Variants in CADPS observed in about 807,000 individuals in gnomAD.
The protein encoded by CADPS is calcium dependent secretion activator, also known as calcium-dependent secretion activator 1.
A neutral mutation model predicts 167.3 loss-of-function variants in CADPS; 57 were observed. That is an observed-to-expected ratio of 0.34 (90% CI 0.28 to 0.42). The LOEUF (loss-of-function observed/expected upper bound fraction) is 0.42. Ranked by LOEUF, CADPS falls within the 20% of genes least tolerant of loss-of-function variation. The probability of loss-of-function intolerance (pLI) is 1.00; values close to 1 mark genes in which losing one functional copy is unlikely to be tolerated. For missense variants in CADPS, 1,414 were observed against 1,738.1 expected, an observed-to-expected ratio of 0.81 and a Z score of 3.32; for synonymous variants, 676 against 635.3, an observed-to-expected ratio of 1.06 and a Z score of -0.96.
chr3:62,713,575 T>C (rs2083826931), intron 3 of CADPS, among the ~76,000 whole-genome samples: 1 of 152,240 alleles, frequency 6.6e-6, no homozygotes, highest in Admixed American at 6.5e-5. Flanking sequence ...CCTGGGCTGC[T>C]ATTCTGGGCA....
intron 3 of CADPS, among the ~76,000 whole-genome samples, chr3:62,730,339 G>T (rs1337240598): frequency 6.6e-6 from 1 of 152,142 alleles, no homozygotes; most frequent in Non-Finnish European, 1.5e-5. Context: ...CTAGTGAGTA[G>T]AAGTTAGGGA....
chr3:62,599,073 T>G (rs552544566), intron 6 of CADPS, among the ~76,000 whole-genome samples: 176 of 152,252 alleles, frequency 1.2e-3, no homozygotes, highest in Non-Finnish European at 1.9e-3. Context: ...TGCAACTGAT[T>G]GTGGCTATTA....
chr3:62,650,876 A>G lies in CADPS; in HGVS notation c.1174T>C (p.Ser392Pro). The change falls in exon 5 of 30, where the codon TCA becomes CCA. Residue 392 changes from serine to proline, a missense_variant. Around this residue, in one of 6 missense-constraint regions of CADPS, gnomAD observed 522 missense variants for 559.5 expected, o/e 0.93. Coordinates refer to ENST00000383710, the MANE Select transcript of CADPS (RefSeq NM_003716.4). Reference sequence around the variant, plus strand: ...AATGAGAAAGACAGCACGACATCTGACTTGGAGAGCTGGTTCTCACTCTCC... The same window carrying G: ...AATGAGAAAGACAGCACGACATCTGGCTTGGAGAGCTGGTTCTCACTCTCC... ...GEESENQLSKSDVVLSFSLEV... is the reference protein window; with the variant it reads ...GEESENQLSKPDVVLSFSLEV... 1 of 1,613,970 alleles carries G rather than the reference A, an allele frequency of 6.2e-7. No homozygotes were observed. Among genetic ancestry groups the G allele is most frequent in the Non-Finnish European group, 8.5e-7 (1 of 1,179,916 alleles).
At chr3:62,624,548 GAA>G (rs78035686) in intron 6 of CADPS, among the ~76,000 whole-genome samples, 17,479 of 147,994 alleles carry the variant, frequency 0.12, 1,118 homozygotes, top group Middle Eastern at 0.22. Context: ...AGAATCACTG[GAA>G]AAAAAAAAAT....
At chr3:62,476,648 C>T (rs1042769620) in intron 23 of CADPS, among the ~76,000 whole-genome samples, 1 of 152,068 alleles carries the variant, frequency 6.6e-6, no homozygotes, top group East Asian at 1.9e-4. Flanking sequence ...GATAAGAGTC[C>T]CTATCCACCT....
chr3:62,826,564 G>T (rs2074078458), intron 1 of CADPS, among the ~76,000 whole-genome samples: 1 of 152,172 alleles, frequency 6.6e-6, no homozygotes, highest in African/African-American at 2.4e-5. Flanking sequence ...TCTGGGAAAA[G>T]TAACTTGTAA....
chr3:62,707,993 T>C (rs2082641995), intron 3 of CADPS, among the ~76,000 whole-genome samples: 1 of 152,076 alleles, frequency 6.6e-6, no homozygotes, highest in African/African-American at 2.4e-5. Flanking sequence ...TGGCATGATC[T>C]TGGCTCACTT....
intron 3 of CADPS, among the ~76,000 whole-genome samples, chr3:62,668,226 T>C (rs2150680269): frequency 6.6e-6 from 1 of 152,348 alleles, no homozygotes; most frequent in South Asian, 2.1e-4. Context: ...TGGAAAAACC[T>C]ATGGTTCTGA....
chr3:62,703,814 A>C (rs1364268796), intron 3 of CADPS, among the ~76,000 whole-genome samples: 1 of 152,166 alleles, frequency 6.6e-6, no homozygotes, highest in Non-Finnish European at 1.5e-5. Context: ...TTTTGAAAGA[A>C]GAGTAAAGAT....
intron 6 of CADPS, among the ~76,000 whole-genome samples, chr3:62,637,804 C>G (rs1469322953): frequency 4.6e-5 from 7 of 152,124 alleles, no homozygotes; most frequent in African/African-American, 1.7e-4. Context: ...AATAACTTCA[C>G]CTCTCTGGAT....
chr3:62,842,657 A>C (rs915298636), intron 1 of CADPS, among the ~76,000 whole-genome samples: 2 of 152,104 alleles, frequency 1.3e-5, no homozygotes, highest in African/African-American at 4.8e-5. Flanking sequence ...GAAGGCAGAA[A>C]TTTGCAGAGA....
intron 3 of CADPS, among the ~76,000 whole-genome samples, chr3:62,703,030 C>T (rs1412200367): frequency 6.6e-6 from 1 of 151,932 alleles, no homozygotes; most frequent in Non-Finnish European, 1.5e-5. Context: ...GTGCCGGAGC[C>T]CATGTTCTCG....
At chr3:62,839,069 A>T (rs536347651) in intron 1 of CADPS, among the ~76,000 whole-genome samples, 1 of 152,350 alleles carries the variant, frequency 6.6e-6, no homozygotes, top group East Asian at 1.9e-4. Context: ...TGACAGATTT[A>T]TTCAGAGGAT....
At chr3:62,700,554 A>G (rs527893800) in intron 3 of CADPS, among the ~76,000 whole-genome samples, 131 of 152,240 alleles carry the variant, frequency 8.6e-4, no homozygotes, top group Non-Finnish European at 1.6e-3. Context: ...TTTTATAGGG[A>G]GGAATTGGGG....
intron 28 of CADPS, among the ~76,000 whole-genome samples, chr3:62,408,740 T>C (rs2048373690): frequency 6.6e-6 from 1 of 152,200 alleles, no homozygotes; most frequent in African/African-American, 2.4e-5. Context: ...GTACATTTGT[T>C]TTCAGAACAA....
intron 5 of CADPS, among the ~76,000 whole-genome samples, chr3:62,647,683 C>A (rs2068901385): frequency 6.6e-6 from 1 of 152,068 alleles, no homozygotes; most frequent in African/African-American, 2.4e-5. Flanking sequence ...TGGGAAGAAC[C>A]ATATAAATAG....
intron 6 of CADPS, among the ~76,000 whole-genome samples, chr3:62,611,119 C>T (rs981444582): frequency 6.6e-6 from 1 of 152,144 alleles, no homozygotes; most frequent in Non-Finnish European, 1.5e-5. Flanking sequence ...CTGACCACCC[C>T]ACTGTCTCAT....
chr3:62,419,780 A>G (rs1450396307), intron 28 of CADPS, among the ~76,000 whole-genome samples: 1 of 152,202 alleles, frequency 6.6e-6, no homozygotes, highest in Non-Finnish European at 1.5e-5. Context: ...CATACCATAT[A>G]GAAATGATTA....
At chr3:62,594,459 C>T (rs896090423) in intron 6 of CADPS, among the ~76,000 whole-genome samples, 1 of 152,146 alleles carries the variant, frequency 6.6e-6, no homozygotes, top group Non-Finnish European at 1.5e-5. Context: ...CCGCGCCCGG[C>T]CCTCATTATG....
Sources: gnomAD v4.1 joint callset for allele counts (sites outside exome capture counted in the v4.1 genomes callset) on GRCh38, gnomAD v4.1.1 for gene constraint, gnomAD v4.1.1 regional missense constraint, MANE v1.5 for transcripts, NCBI Gene and HGNC (gene_info 2026-07-23, HGNC 2026-07-21) for gene names.